WWOX: variants seen among roughly 807,000 people sequenced by gnomAD.
The protein encoded by WWOX is WW domain containing oxidoreductase.
WWOX carries 69 observed loss-of-function variants against 46.2 expected under a neutral mutation model. The ratio of observed to expected loss-of-function variants is 1.49; its 90% CI spans 1.23 to 1.82. The LOEUF (loss-of-function observed/expected upper bound fraction) is 1.82, where lower values mean the gene tolerates loss of function less well. Among genes scored for constraint, WWOX ranks in the 40% most tolerant of loss-of-function variants. The pLI, the probability that WWOX is intolerant of heterozygous loss-of-function variation, is 0.00. For synonymous variants in WWOX, 359 were observed against 202.6 expected, an observed-to-expected ratio of 1.77 and a Z score of -6.56; for missense variants, 919 against 542.6, an observed-to-expected ratio of 1.69 and a Z score of -6.89.
At chr16:78,655,592 G>A (rs781432175) in intron 8 of WWOX, among the ~76,000 whole-genome samples, 39 of 152,016 alleles carry the variant, frequency 2.6e-4, no homozygotes, top group Non-Finnish European at 5.0e-4. Flanking sequence ...TTAATTTTGT[G>A]GGGTTTTAAC....
intron 8 of WWOX, among the ~76,000 whole-genome samples, chr16:78,548,149 T>G (rs1412766663): frequency 1.4e-5 from 1 of 73,668 alleles, no homozygotes; most frequent in African/African-American, 5.0e-5. Flanking sequence ...AGCAAGACTG[T>G]CTCAAAAAAA....
intron 8 of WWOX, among the ~76,000 whole-genome samples, chr16:78,614,773 C>G (rs1245323728): frequency 3.9e-5 from 6 of 152,120 alleles, no homozygotes; most frequent in Admixed American, 3.9e-4. Flanking sequence ...ACAGAGTTGT[C>G]TTTTTGTTTT....
intron 8 of WWOX, among the ~76,000 whole-genome samples, chr16:78,950,616 C>G (rs1415820606): frequency 2.0e-5 from 3 of 151,608 alleles, no homozygotes; most frequent in Non-Finnish European, 2.9e-5. Context: ...AAAGATTGAA[C>G]TTAAAAATGA....
At position 78,407,120 on chromosome 16, in the gene WWOX, C is replaced by T. The variant is rs141147285; in HGVS notation, c.606-17750C>T. Among the ~76,000 whole-genome samples, 127 of 152,230 alleles carry T rather than the reference C, an allele frequency of 8.3e-4. 2 individuals carry two copies. Among genetic ancestry groups the T allele is most frequent in the African/African-American group, 3.0e-3 (124 of 41,538 alleles). The stretch of plus-strand genomic sequence containing the variant: ...ACTGCCATCCATGATTTCATGAAAC[C>T]AGCTCTAGCTATTTAAGCAGGGGTC... On this transcript the variant is annotated intron_variant, in intron 6 of 8. Transcript: ENST00000566780.
At chr16:78,701,321 C>T (rs969693715) in intron 8 of WWOX, among the ~76,000 whole-genome samples, 2 of 152,140 alleles carry the variant, frequency 1.3e-5, no homozygotes, top group Admixed American at 1.3e-4. Flanking sequence ...AAGTGATCCT[C>T]TTGCCTTGGC....
intron 1 of WWOX, among the ~76,000 whole-genome samples, chr16:78,104,699 G>A (rs2032031747): frequency 6.6e-6 from 1 of 152,128 alleles, no homozygotes; most frequent in African/African-American, 2.4e-5. Flanking sequence ...TAGGGGACAT[G>A]TGTTCTAATT....
At chr16:78,929,950 G>C (rs1318448769) in intron 8 of WWOX, among the ~76,000 whole-genome samples, 18 of 152,204 alleles carry the variant, frequency 1.2e-4, no homozygotes, top group Admixed American at 1.0e-3. Flanking sequence ...AATTCCCTGT[G>C]CTAACTGCCC....
intron 8 of WWOX, among the ~76,000 whole-genome samples, chr16:78,830,188 G>C (rs75443359): frequency 0.046 from 6,960 of 152,246 alleles, 205 homozygotes; most frequent in Non-Finnish European, 0.067. Context: ...GAAAGAAAAG[G>C]AGGGAGAGGA....
chr16:79,103,522 C>T (rs1437589604), intron 8 of WWOX, among the ~76,000 whole-genome samples: 3 of 152,206 alleles, frequency 2.0e-5, no homozygotes, highest in East Asian at 1.9e-4. Flanking sequence ...GGAGAACACC[C>T]GTTTCATTAT....
At chr16:78,844,675 C>T (rs772546257) in intron 8 of WWOX, among the ~76,000 whole-genome samples, 11 of 152,160 alleles carry the variant, frequency 7.2e-5, no homozygotes, top group Non-Finnish European at 1.2e-4. Flanking sequence ...TTAAAACATA[C>T]CTTTTTAAAG....
intron 8 of WWOX, among the ~76,000 whole-genome samples, chr16:78,820,034 C>G (rs560231301): frequency 6.8e-4 from 104 of 152,288 alleles, no homozygotes; most frequent in African/African-American, 2.4e-3. Context: ...TAAAATAACT[C>G]TGGCATTGTT....
intron 8 of WWOX, among the ~76,000 whole-genome samples, chr16:79,034,842 A>G (rs761575643): frequency 6.6e-6 from 1 of 152,192 alleles, no homozygotes; most frequent in African/African-American, 2.4e-5. Flanking sequence ...CGAGTAGTGT[A>G]TTAGGCTAAG....
In WWOX at chr16:78,321,259, T is replaced by C. The variant is rs541524374; in HGVS notation, c.517-65601T>C. Among the ~76,000 whole-genome samples, 7 of 147,480 alleles carry C rather than the reference T, an allele frequency of 4.7e-5. No individual in the cohort carries two copies. In the East Asian group the frequency reaches 1.2e-3, roughly 26 times the overall value. On this transcript the variant is annotated intron_variant, in intron 5 of 8. Transcript: ENST00000566780. ...ATTCTCTTTTGTTTAAGGCAACACG[T>C]AGGTTCTTAGTTTTTTAAATATATA...
intron 8 of WWOX, among the ~76,000 whole-genome samples, chr16:78,774,794 A>G (rs1322785710): frequency 6.6e-6 from 1 of 152,128 alleles, no homozygotes; most frequent in African/African-American, 2.4e-5. Context: ...ATTGTTCTGA[A>G]CTGTGAGGTG....
intron 5 of WWOX, among the ~76,000 whole-genome samples, chr16:78,250,619 C>G (rs1328984224): frequency 6.6e-6 from 1 of 152,108 alleles, no homozygotes; most frequent in African/African-American, 2.4e-5. Flanking sequence ...AGAAGACACT[C>G]AGAGCCAACA....
At chr16:78,676,335 G>A (rs545840251) in intron 8 of WWOX, among the ~76,000 whole-genome samples, 2 of 151,660 alleles carry the variant, frequency 1.3e-5, no homozygotes, top group African/African-American at 4.8e-5. Flanking sequence ...TTCCTGCATT[G>A]CCCTCCATTC....
intron 8 of WWOX, among the ~76,000 whole-genome samples, chr16:78,802,915 G>GC (rs2050927892): frequency 9.6e-5 from 1 of 10,442 alleles, no homozygotes; most frequent in Admixed American, 1.6e-3. Flanking sequence ...GACTTCATCT[G>GC]AAAAAAAAAA....
chr16:78,215,357 A>C (rs558604782), intron 5 of WWOX, among the ~76,000 whole-genome samples: 2 of 152,292 alleles, frequency 1.3e-5, no homozygotes, highest in African/African-American at 4.8e-5. Context: ...GGGACCTGGT[A>C]GGAGGTGATT....
chr16:78,642,750 A>G (rs996495191), intron 8 of WWOX, among the ~76,000 whole-genome samples: 2 of 152,134 alleles, frequency 1.3e-5, no homozygotes, highest in African/African-American at 4.8e-5. Context: ...GCACATCAGG[A>G]TACCTCAGTG....
Sources: allele counts gnomAD v4.1 joint callset (sites outside exome capture counted in the v4.1 genomes callset), GRCh38; gene constraint gnomAD v4.1.1; transcripts MANE v1.5; gene names NCBI Gene and HGNC (gene_info 2026-07-23, HGNC 2026-07-21).